The following DSCAM variants were observed in gnomAD, a reference collection of about 807,000 sequenced individuals.
DSCAM encodes DS cell adhesion molecule.
A neutral mutation model predicts 217.7 loss-of-function variants in DSCAM; 47 were observed. The ratio of observed to expected loss-of-function variants is 0.22; its 90% CI spans 0.17 to 0.28. The LOEUF (loss-of-function observed/expected upper bound fraction) is 0.28. Among genes scored for constraint, DSCAM ranks in the 10% least tolerant of loss-of-function variants. The probability of loss-of-function intolerance (pLI) is 1.00; values close to 1 mark genes in which losing one functional copy is unlikely to be tolerated. For missense variants in DSCAM, 2,080 were observed against 2,618.3 expected (o/e 0.79, Z 4.49); for synonymous variants, 1,056 against 1,015.3 (o/e 1.04, Z -0.76).
intron 3 of DSCAM, among the ~76,000 whole-genome samples, chr21:40,581,287 C>T (rs1182112256): frequency 1.3e-5 from 2 of 152,160 alleles, no homozygotes; most frequent in Non-Finnish European, 2.9e-5. Context: ...TTGCTAGTTC[C>T]ATGGGCTGAG....
chr21:40,117,703 G>A (rs1381951693), intron 20 of DSCAM, among the ~76,000 whole-genome samples: 1 of 152,190 alleles, frequency 6.6e-6, no homozygotes, highest in Admixed American at 6.5e-5. Flanking sequence ...ATCACGTGTA[G>A]TAAATGTAAG....
At chr21:40,171,354 A>C (rs565742046) in intron 15 of DSCAM, among the ~76,000 whole-genome samples, 1 of 152,298 alleles carries the variant, frequency 6.6e-6, no homozygotes, top group South Asian at 2.1e-4. Context: ...CTGGGATTAC[A>C]GGTGTGAGCC....
rs879426420 is a variant in DSCAM, at chr21:40,453,039, T to TG, written c.509-83795_509-83794insC. 4.8e-3 allele frequency among the ~76,000 whole-genome samples: 570 copies of TG among 119,870 alleles called. 5 individuals carry two copies. Among genetic ancestry groups the TG allele is most frequent in the Middle Eastern group, 0.015 (4 of 264 alleles). The allele number at this position is 119,870 out of a possible 152,430, so 78.6% of individuals were successfully genotyped here. ...TCTCTGGTTCCTGAATTTTAAAGAC[T>TG]TTGTGTGTGTGTGTGTGTGTGTGTG... On this transcript the variant is annotated intron_variant, in intron 3 of 32. Transcript: ENST00000400454.
rs147521238 is a variant in DSCAM at position 40,812,894 on chromosome 21, T to C, written c.43+33725A>G. 3.3e-3 allele frequency among the ~76,000 whole-genome samples: 497 copies of C among 152,294 alleles called. 3 individuals carry two copies. The highest frequency in any genetic ancestry group is 0.011 in the African/African-American group (470 of 41,558). ...AGAGATTGTTTCAGTAAAGAGATTGTGGTCACCAGTGTTGGAAACTGCTGT... is the reference window on the plus strand; with the variant it reads ...AGAGATTGTTTCAGTAAAGAGATTGCGGTCACCAGTGTTGGAAACTGCTGT... On this transcript the variant is annotated intron_variant, in intron 1 of 32. Coordinates refer to ENST00000400454, the MANE Select transcript of DSCAM (RefSeq NM_001389.5).
intron 3 of DSCAM, among the ~76,000 whole-genome samples, chr21:40,425,882 T>C (rs533586558): frequency 1.3e-5 from 2 of 152,298 alleles, no homozygotes; most frequent in South Asian, 2.1e-4. Flanking sequence ...ATATGTTATA[T>C]ATGTGAACAT....
At chr21:40,508,603 C>G (rs1238845759) in intron 3 of DSCAM, among the ~76,000 whole-genome samples, 1 of 150,878 alleles carries the variant, frequency 6.6e-6, no homozygotes, top group South Asian at 2.1e-4. Context: ...GAGTCTTGCC[C>G]TGTCGACCAG....
At position 40,028,511 on chromosome 21, in the gene DSCAM, C is replaced by T. The variant is rs555343228; in HGVS notation, c.5686+13860G>A. Among the ~76,000 whole-genome samples, 142 of 150,970 alleles carry T rather than the reference C, an allele frequency of 9.4e-4. 1 individual carries two copies. The highest frequency in any genetic ancestry group is 3.5e-3 in the South Asian group (17 of 4,810). Reference sequence around the variant, plus strand: ...CTAGCAATCAGCGAGACTCCATGGGCGTAGGACCCTCCAAGCCAGGTGCGG... The same window carrying T: ...CTAGCAATCAGCGAGACTCCATGGGTGTAGGACCCTCCAAGCCAGGTGCGG... On this transcript the variant is annotated intron_variant, in intron 32 of 32. Coordinates refer to ENST00000400454, the MANE Select transcript of DSCAM (RefSeq NM_001389.5).
chr21:40,198,070 A>G (rs2091033040), intron 11 of DSCAM, among the ~76,000 whole-genome samples: 1 of 152,114 alleles, frequency 6.6e-6, no homozygotes, highest in South Asian at 2.1e-4. Flanking sequence ...AAAGTCCTTG[A>G]AATTTCCACT....
At chr21:40,199,993 G>A (rs757853571) in intron 11 of DSCAM, among the ~76,000 whole-genome samples, 17 of 146,694 alleles carry the variant, frequency 1.2e-4, no homozygotes, top group Non-Finnish European at 1.8e-4. Flanking sequence ...CAGTCACAGC[G>A]AATACTTGCT....
At chr21:40,818,686 T>C (rs1001202109) in intron 1 of DSCAM, among the ~76,000 whole-genome samples, 5 of 151,540 alleles carry the variant, frequency 3.3e-5, no homozygotes, top group African/African-American at 1.2e-4. Context: ...TCATATATGT[T>C]GCTTCTTCTC....
At chr21:40,030,047 T>G (rs1448080777) in intron 32 of DSCAM, among the ~76,000 whole-genome samples, 1 of 152,222 alleles carries the variant, frequency 6.6e-6, no homozygotes, top group Non-Finnish European at 1.5e-5. Flanking sequence ...CAAGTACACA[T>G]GCATGGACAC....
intron 3 of DSCAM, among the ~76,000 whole-genome samples, chr21:40,514,307 C>G (rs573079020): frequency 1.8e-4 from 27 of 152,166 alleles, no homozygotes; most frequent in African/African-American, 6.0e-4. Flanking sequence ...AGGGAGCCAT[C>G]CAATGCTTCA....
chr21:40,822,469 T>A (rs2091937851), intron 1 of DSCAM, among the ~76,000 whole-genome samples: 1 of 152,108 alleles, frequency 6.6e-6, no homozygotes, highest in Non-Finnish European at 1.5e-5. Flanking sequence ...ACTTTGTTAC[T>A]TTGTACTTAT....
intron 11 of DSCAM, among the ~76,000 whole-genome samples, chr21:40,226,273 G>A (rs1305878230): frequency 6.6e-6 from 1 of 152,176 alleles, no homozygotes; most frequent in African/African-American, 2.4e-5. Flanking sequence ...GTGACAATGT[G>A]CGGACACAAA....
In DSCAM at chr21:40,144,723, C is replaced by A; in HGVS notation, c.3027G>T (p.Lys1009Asn). Residue 1009 changes from lysine to asparagine, a missense_variant, in exon 17 of 33, where the codon AAG (lysine) becomes AAT (asparagine). Physicochemically the swap from Lys to Asn is moderately conservative, Grantham distance 94. Coordinates refer to ENST00000400454, the MANE Select transcript of DSCAM (RefSeq NM_001389.5). This position sits in a 1 kb window ranked among gnomAD's most constrained non-coding sequence, Gnocchi z 4.8. Reference sequence around the variant, plus strand: ...GGATAATCCCATTTTGCAAATGTTTCTTGGGAGCCTAAACAGGAGAGAAAA... The same window carrying A: ...GGATAATCCCATTTTGCAAATGTTTATTGGGAGCCTAAACAGGAGAGAAAA... ...QSIRVTWKAP[K>N]KHLQNGIIRG... 1 of 1,614,172 alleles carries A rather than the reference C, an allele frequency of 6.2e-7. No individual in the cohort carries two copies. The highest frequency in any genetic ancestry group is 8.5e-7 in the Non-Finnish European group (1 of 1,180,042).
At chr21:40,390,751 C>T (rs1300575904) in intron 3 of DSCAM, among the ~76,000 whole-genome samples, 4 of 152,150 alleles carry the variant, frequency 2.6e-5, no homozygotes, top group Non-Finnish European at 4.4e-5. Context: ...AGTTTTCCCT[C>T]TTCTTACAAA....
At chr21:40,697,555 T>A (rs936535247) in intron 2 of DSCAM, among the ~76,000 whole-genome samples, 6 of 152,202 alleles carry the variant, frequency 3.9e-5, no homozygotes, top group African/African-American at 1.4e-4. Context: ...TGCATATAGA[T>A]ACCCAGTTTT....
At position 40,097,955 on chromosome 21, in the gene DSCAM, AAAGAAAGAAAGAAAG is replaced by A. The variant is rs1439306069; in HGVS notation, c.3697-4096_3697-4082del. ...GACTCTGTCTCAAAAAAAAAAAAAA[AAAGAAAGAAAGAAAG>A]AAAGAAAGAAAGAAAGAAAGAAAGA... On this transcript the variant is annotated intron_variant, in intron 20 of 32. Transcript: ENST00000400454. 7.1e-3 allele frequency among the ~76,000 whole-genome samples: 134 copies of A among 18,754 alleles called. 15 individuals carry two copies. Among genetic ancestry groups the A allele is most frequent in the African/African-American group, 0.024 (123 of 5,062 alleles). The allele number at this position is 18,754 out of a possible 152,430, so 12.3% of individuals were successfully genotyped here.
intron 16 of DSCAM, among the ~76,000 whole-genome samples, chr21:40,153,023 G>T (rs1400092135): frequency 2.0e-5 from 3 of 152,186 alleles, no homozygotes; most frequent in Admixed American, 1.3e-4. Context: ...GAAATGAATT[G>T]AACATTTTCT....
Sources: allele counts gnomAD v4.1 joint callset (sites outside exome capture counted in the v4.1 genomes callset), GRCh38; gene constraint gnomAD v4.1.1; non-coding constraint Gnocchi (gnomAD v3.1); transcripts MANE v1.5; gene names NCBI Gene and HGNC (gene_info 2026-07-23, HGNC 2026-07-21).